NXN: variants seen among roughly 807,000 people sequenced by gnomAD.
The protein encoded by NXN is nucleoredoxin.
A neutral mutation model predicts 48.6 loss-of-function variants in NXN; 16 were observed. The ratio of observed to expected loss-of-function variants is 0.33; its 90% CI spans 0.22 to 0.50. The LOEUF (loss-of-function observed/expected upper bound fraction) is 0.50. Ranked by LOEUF, NXN falls within the 20% of genes least tolerant of loss-of-function variation. The probability of loss-of-function intolerance (pLI) is 0.98; values close to 1 mark genes in which losing one functional copy is unlikely to be tolerated. For missense variants in NXN, 492 were observed against 605.5 expected (o/e 0.81, Z 1.97); for synonymous variants, 281 against 269.6 (o/e 1.04, Z -0.41).
chr17:979,438 C>A lies in NXN; in HGVS notation c.241G>T (p.Glu81Ter). The A allele has an allele frequency of 7.8e-7, 1 of 1,280,360 alleles. No individual in the cohort carries two copies. The highest frequency in any genetic ancestry group is 2.0e-5 in the South Asian group (1 of 50,038). The allele number at this position is 1,280,360 out of a possible 1,614,324, so 79.3% of individuals were successfully genotyped here. ...GAGAGAAAEPEPRRRLEIVFV... is the reference protein window; with the variant it reads ...GAGAGAAAEP ...ACGATCTCCAGGCGCCGCCGCGGCT[C>A]GGGCTCCGCCGCCGCCCCGGCCCCC... The change falls in exon 1 of 8, where the codon GAG becomes TAG. Residue 81 changes from glutamate to a stop codon, truncating the protein, a stop_gained. Coordinates refer to ENST00000336868, the MANE Select transcript of NXN (RefSeq NM_022463.5). LOFTEE classifies it high-confidence loss of function.
At chr17:942,326 A>C (rs377237247) in intron 1 of NXN, among the ~76,000 whole-genome samples, 10 of 28,164 alleles carry the variant, frequency 3.6e-4, no homozygotes, top group East Asian at 9.8e-4. Flanking sequence ...CCCTGGATTT[A>C]CAGTGAACAA....
intron 1 of NXN, among the ~76,000 whole-genome samples, chr17:874,558 T>TG (rs2068194131): frequency 6.6e-6 from 1 of 152,180 alleles, no homozygotes. Context: ...CACTGTAGCC[T>TG]GGGTGACAGA....
At chr17:852,535 A>G (rs571666770) in intron 1 of NXN, among the ~76,000 whole-genome samples, 35 of 152,334 alleles carry the variant, frequency 2.3e-4, no homozygotes, top group African/African-American at 8.2e-4. Context: ...GGGAAAAAAG[A>G]AAACCCAACA....
intron 1 of NXN, among the ~76,000 whole-genome samples, chr17:839,642 C>CTTA (rs1469432095): frequency 6.7e-6 from 1 of 150,114 alleles, no homozygotes; most frequent in Non-Finnish European, 1.5e-5. Flanking sequence ...AATCTCATCT[C>CTTA]TAAAAAAAAA....
chr17:945,751 G>C (rs976245664), intron 1 of NXN, among the ~76,000 whole-genome samples: 2 of 152,092 alleles, frequency 1.3e-5, no homozygotes, highest in African/African-American at 4.8e-5. Context: ...TAAATGTTCA[G>C]TGGAGATGTC....
intron 1 of NXN, among the ~76,000 whole-genome samples, chr17:871,015 C>A (rs1050936871): frequency 6.6e-6 from 1 of 151,780 alleles, no homozygotes; most frequent in East Asian, 2.0e-4. Context: ...CCCGCCATCA[C>A]GCCCAGCTAA....
intron 5 of NXN, among the ~76,000 whole-genome samples, chr17:813,469 C>T (rs1455615396): frequency 1.3e-5 from 2 of 152,234 alleles, no homozygotes; most frequent in Non-Finnish European, 2.9e-5. Flanking sequence ...GGGCTCAGCC[C>T]AACCTCGAAG....
intron 1 of NXN, among the ~76,000 whole-genome samples, chr17:954,492 G>A (rs918612494): frequency 1.3e-5 from 2 of 152,210 alleles, no homozygotes; most frequent in African/African-American, 4.8e-5. Flanking sequence ...CAGGCTCAGG[G>A]CAAGCACGTG....
chr17:812,809 TAG>T, intron 5 of NXN, among the ~76,000 whole-genome samples: 1 of 149,128 alleles, frequency 6.7e-6, no homozygotes, highest in East Asian at 2.0e-4. Context: ...TGCGTGAGTG[TAG>T]GTGTGTGTGC....
chr17:832,552 G>GGTA (rs1913541768), intron 1 of NXN, among the ~76,000 whole-genome samples: 1 of 152,056 alleles, frequency 6.6e-6, no homozygotes, highest in Non-Finnish European at 1.5e-5. Flanking sequence ...CCCTCTAAAT[G>GGTA]CTCAGGAGAA....
intron 1 of NXN, among the ~76,000 whole-genome samples, chr17:888,759 A>C (rs1370270973): frequency 2.6e-5 from 4 of 151,906 alleles, no homozygotes; most frequent in African/African-American, 9.7e-5. Flanking sequence ...GTTCGAGACC[A>C]GCCTGACCAA....
At chr17:954,111 C>G (rs1001449153) in intron 1 of NXN, among the ~76,000 whole-genome samples, 1 of 152,092 alleles carries the variant, frequency 6.6e-6, no homozygotes. Flanking sequence ...GGCGCCGTGG[C>G]TCATGCCTGT....
intron 1 of NXN, among the ~76,000 whole-genome samples, chr17:951,911 A>G (rs2069115472): frequency 6.6e-6 from 1 of 152,118 alleles, no homozygotes; most frequent in South Asian, 2.1e-4. Context: ...CCTCCCCGAG[A>G]ATGCACCAGA....
chr17:842,954 AAGAAAGAAAGAGAGAAAGAGAGAAAGAG>A (rs1312054835), intron 1 of NXN, among the ~76,000 whole-genome samples: 14 of 145,502 alleles, frequency 9.6e-5, no homozygotes, highest in African/African-American at 3.4e-4. Flanking sequence ...AAAGAAAGGA[AAGAAAGAAAGAGAGAAAGAGAGAAAGAG>A]AGAAAGAGAG....
At chr17:969,889 G>T (rs986615392) in intron 1 of NXN, among the ~76,000 whole-genome samples, 1 of 152,254 alleles carries the variant, frequency 6.6e-6, no homozygotes, top group Admixed American at 6.5e-5. Context: ...GTGACTGTTC[G>T]ACAACGATAT....
chr17:845,390 A>T (rs542157462), intron 1 of NXN, among the ~76,000 whole-genome samples: 299 of 151,508 alleles, frequency 2.0e-3, no homozygotes, highest in African/African-American at 7.1e-3. Context: ...ACCCTTATGG[A>T]CTCAACATCC....
chr17:967,274 A>G (rs1340584133), intron 1 of NXN, among the ~76,000 whole-genome samples: 1 of 152,164 alleles, frequency 6.6e-6, no homozygotes, highest in Non-Finnish European at 1.5e-5. Context: ...TGCTGCTGGG[A>G]GTCTGGGAGG....
chr17:827,741 TG>T (rs1253341602), intron 1 of NXN, among the ~76,000 whole-genome samples: 1 of 152,218 alleles, frequency 6.6e-6, no homozygotes, highest in Non-Finnish European at 1.5e-5. Context: ...GCCTCCCTGC[TG>T]GGGGCTTGAG....
At chr17:972,302 C>CA (rs1228630087) in intron 1 of NXN, among the ~76,000 whole-genome samples, 32 of 151,202 alleles carry the variant, frequency 2.1e-4, no homozygotes, top group African/African-American at 7.8e-4. Flanking sequence ...AACTCCATCT[C>CA]AAAAAAAATT....
Sources: gnomAD v4.1 joint callset for allele counts (sites outside exome capture counted in the v4.1 genomes callset) on GRCh38, gnomAD v4.1.1 for gene constraint, MANE v1.5 for transcripts, NCBI Gene and HGNC (gene_info 2026-07-23, HGNC 2026-07-21) for gene names.